Variants in PTPN9 observed in about 807,000 individuals in gnomAD.
PTPN9 encodes protein tyrosine phosphatase non-receptor type 9.
PTPN9 carries 26 observed loss-of-function variants against 69.8 expected under a neutral mutation model. The ratio of observed to expected loss-of-function variants is 0.37; its 90% CI spans 0.27 to 0.52. The LOEUF (loss-of-function observed/expected upper bound fraction) is 0.52, where lower values mean the gene tolerates loss of function less well. Among genes scored for constraint, PTPN9 ranks in the 20% least tolerant of loss-of-function variants. The pLI, the probability that PTPN9 is intolerant of heterozygous loss-of-function variation, is 0.91. For missense variants in PTPN9, 549 were observed against 740.3 expected (o/e 0.74, Z 3.00); for synonymous variants, 274 against 272.5 (o/e 1.01, Z -0.05).
At chr15:75,480,896 G>T (rs369605928) in intron 8 of PTPN9, 1 of 255,996 alleles carries the variant, frequency 3.9e-6, no homozygotes, top group East Asian at 7.1e-5. Flanking sequence ...CTGCCACCCC[G>T]TCTGGGAAGT....
rs1031285584 is a variant in PTPN9, at chr15:75,467,350, T to G, written c.*1419A>C. On this transcript the variant is annotated 3_prime_UTR_variant, in exon 13 of 13. Transcript: ENST00000618819. ...CCTCATCTTCTGTCACAGGGGAAGG[T>G]TTAGGAGTTCCTGGGATTTTTTGGG... 2.0e-5 allele frequency: 3 copies of G among 152,528 alleles called. No homozygotes were observed. The highest frequency in any genetic ancestry group is 2.9e-5 in the Non-Finnish European group (2 of 68,024). The allele number at this position is 152,528 out of a possible 1,614,324, so 9.4% of individuals were successfully genotyped here.
At chr15:75,528,053 C>T (rs1286500113) in intron 1 of PTPN9, among the ~76,000 whole-genome samples, 1 of 152,134 alleles carries the variant, frequency 6.6e-6, no homozygotes, top group Non-Finnish European at 1.5e-5. Context: ...TTAAGAAGAA[C>T]TTAGCCAATC....
At chr15:75,484,027 G>A in intron 8 of PTPN9, among the ~76,000 whole-genome samples, 1 of 152,196 alleles carries the variant, frequency 6.6e-6, no homozygotes, top group East Asian at 1.9e-4. Flanking sequence ...CTCACTAGAA[G>A]CAGGGAGTTC....
intron 9 of PTPN9, among the ~76,000 whole-genome samples, chr15:75,474,286 A>T (rs1414854489): frequency 6.6e-6 from 1 of 152,166 alleles, no homozygotes; most frequent in African/African-American, 2.4e-5. Context: ...TTGGGAGGCC[A>T]TGGCAGGCAG....
chr15:75,534,096 C>T (rs1303583563), intron 1 of PTPN9, among the ~76,000 whole-genome samples: 1 of 152,180 alleles, frequency 6.6e-6, no homozygotes, highest in Non-Finnish European at 1.5e-5. Context: ...TTATTCACTA[C>T]TGTGTGTTAT....
chr15:75,466,201 AC>A lies in PTPN9; in HGVS notation c.*2567del, dbSNP rs1176773725. On this transcript the variant is annotated 3_prime_UTR_variant, in exon 13 of 13. Coordinates refer to ENST00000618819, the MANE Select transcript of PTPN9 (RefSeq NM_002833.4). ...CAATTTTTTTCTTCTGTCAATACCT[AC>A]CTCAAAAGGTTGTTGAGGGTGAATG... 6.6e-6 allele frequency: 1 copy of A among 152,122 alleles called. No homozygotes were observed. The highest frequency in any genetic ancestry group is 6.6e-5 in the Admixed American group (1 of 15,264). The allele number at this position is 152,122 out of a possible 1,614,324, so 9.4% of individuals were successfully genotyped here. A position where few individuals can be genotyped will look rare whatever the true frequency, so the allele number is the denominator to read the frequency against.
At chr15:75,519,214 T>C (rs2074889194) in intron 4 of PTPN9, among the ~76,000 whole-genome samples, 2 of 152,164 alleles carry the variant, frequency 1.3e-5, no homozygotes, top group Non-Finnish European at 2.9e-5. Flanking sequence ...GTTCAAGCAA[T>C]TCTTCTGCCT....
rs997558121 is a variant in PTPN9, at chr15:75,467,994, TGGA to T, written c.*772_*774del. The T allele has an allele frequency of 4.6e-5, 7 of 152,450 alleles. No homozygotes were observed. The highest frequency in any genetic ancestry group is 1.9e-4 in the East Asian group (1 of 5,186). The allele number at this position is 152,450 out of a possible 1,614,324, so 9.4% of individuals were successfully genotyped here. On this transcript the variant is annotated 3_prime_UTR_variant, in exon 13 of 13. Transcript: ENST00000618819. ...AGGAAGGGGCCCTGTGGCAGGAACA[TGGA>T]GGAGATGTGTGTGTGTCCTCTTCCA...
In PTPN9 at chr15:75,468,554, A is replaced by G. The variant is rs1443177067; in HGVS notation, c.*215T>C. ...CACAGTTTGATAGCAGATGCTAGGA[A>G]TTAAGAACACATTGCTACTGGCCCT... is the stretch of plus-strand genomic sequence containing the variant. On this transcript the variant is annotated 3_prime_UTR_variant, in exon 13 of 13. Transcript: ENST00000618819. The G allele has an allele frequency of 8.1e-6, 4 of 493,172 alleles. No homozygotes were observed. Among genetic ancestry groups the G allele is most frequent in the Non-Finnish European group, 1.5e-5 (4 of 272,000 alleles). 30.5% of individuals were successfully genotyped at this position (493,172 alleles called of 1,614,324 possible).
chr15:75,504,710 G>A (rs1355695784), intron 7 of PTPN9, among the ~76,000 whole-genome samples: 3 of 140,240 alleles, frequency 2.1e-5, no homozygotes, highest in African/African-American at 5.3e-5. Context: ...CCCCCCGCCC[G>A]GGAGGTGAGG....
intron 1 of PTPN9, among the ~76,000 whole-genome samples, chr15:75,565,551 T>A (rs1173094420): frequency 1.3e-5 from 2 of 152,142 alleles, no homozygotes; most frequent in Admixed American, 6.6e-5. Context: ...CCTCCCACAG[T>A]CATGACAACT....
chr15:75,540,194 C>T (rs2075002171), intron 1 of PTPN9, among the ~76,000 whole-genome samples: 1 of 152,054 alleles, frequency 6.6e-6, no homozygotes, highest in South Asian at 2.1e-4. Flanking sequence ...TGAGATAGAG[C>T]AAATAAATAG....
At chr15:75,481,877 T>G (rs1312432527) in intron 8 of PTPN9, among the ~76,000 whole-genome samples, 71 of 102,402 alleles carry the variant, frequency 6.9e-4, no homozygotes, top group Admixed American at 1.4e-3. Context: ...CTCCGGGAGG[T>G]GAGGGGGCGC....
rs1394342662 is a variant in PTPN9, at chr15:75,469,856, G to C, written c.1503C>G (p.Arg501=). Residue 501 remains arginine, a synonymous_variant, in exon 12 of 13, where the codon CGC becomes CGG. Transcript: ENST00000618819. ...QSLAVSNMGA[R]SKGQCPEPPI... ...GTGGCTCAGGGCACTGCCCTTTGGA[G>C]CGTGCTCCCATGTTGCTCACAGCCA... The C allele has an allele frequency of 1.2e-6, 2 of 1,613,968 alleles. No homozygotes were observed. The highest frequency in any genetic ancestry group is 2.2e-5 in the East Asian group (1 of 44,894).
At chr15:75,575,973 C>G (rs1261436535) in intron 1 of PTPN9, among the ~76,000 whole-genome samples, 3 of 150,278 alleles carry the variant, frequency 2.0e-5, no homozygotes, top group African/African-American at 7.4e-5. Context: ...GCGGCCCAGG[C>G]CTGTAATCCC....
chr15:75,530,932 AATGT>A (rs1457969856), intron 1 of PTPN9, among the ~76,000 whole-genome samples: 2 of 121,362 alleles, frequency 1.6e-5, no homozygotes, highest in African/African-American at 6.1e-5. Flanking sequence ...TTATTATTAT[AATGT>A]ATATTTTATA....
At chr15:75,550,540 C>A (rs889946370) in intron 1 of PTPN9, among the ~76,000 whole-genome samples, 3 of 151,206 alleles carry the variant, frequency 2.0e-5, no homozygotes, top group East Asian at 2.0e-4. Context: ...GTAATCCCAG[C>A]ACTTTGGGAG....
At chr15:75,527,591 A>C (rs111549089) in intron 1 of PTPN9, among the ~76,000 whole-genome samples, 262 of 152,264 alleles carry the variant, frequency 1.7e-3, no homozygotes, top group African/African-American at 6.1e-3. Flanking sequence ...AAATTTAAAA[A>C]TTTTGGGAGG....
At chr15:75,479,074 C>T (rs547967286) in intron 9 of PTPN9, among the ~76,000 whole-genome samples, 3 of 152,124 alleles carry the variant, frequency 2.0e-5, no homozygotes, top group African/African-American at 4.8e-5. Context: ...TTTGGGAGGC[C>T]GAAGCGGGCA....
Sources: gnomAD v4.1 joint callset for allele counts (sites outside exome capture counted in the v4.1 genomes callset) on GRCh38, gnomAD v4.1.1 for gene constraint, MANE v1.5 for transcripts, NCBI Gene and HGNC (gene_info 2026-07-23, HGNC 2026-07-21) for gene names.